Variants in WIPF1 observed in about 807,000 individuals in gnomAD.
The protein encoded by WIPF1 is WAS/WASL-interacting protein family member 1.
WIPF1 carries 13 observed loss-of-function variants against 35.4 expected under a neutral mutation model. The observed-to-expected ratio is 0.37, with a 90% CI of 0.24 to 0.58. The LOEUF (loss-of-function observed/expected upper bound fraction) is 0.58, where lower values mean the gene tolerates loss of function less well. WIPF1 is among the 20% of genes least tolerant of loss of function. The pLI is 0.74. For missense variants in WIPF1, 591 were observed against 667.0 expected, an observed-to-expected ratio of 0.89 and a Z score of 1.25; for synonymous variants, 267 against 266.3, an observed-to-expected ratio of 1.00 and a Z score of -0.02.
intron 1 of WIPF1, among the ~76,000 whole-genome samples, chr2:174,589,718 T>G (rs1263569466): frequency 6.7e-6 from 1 of 148,734 alleles, no homozygotes; most frequent in East Asian, 2.0e-4. Flanking sequence ...AACCATAATA[T>G]CTGATATTCT....
At chr2:174,575,122 G>C (rs1685003518) in intron 4 of WIPF1, 82 bp downstream of exon 4, 1 of 1,431,834 alleles carries the variant, frequency 7.0e-7, no homozygotes, top group South Asian at 1.3e-5. Flanking sequence ...AGGGCGAAGA[G>C]CCTTAGAGGC....
intron 2 of WIPF1, among the ~76,000 whole-genome samples, chr2:174,582,468 A>G (rs946367376): frequency 1.3e-5 from 2 of 152,242 alleles, no homozygotes; most frequent in Admixed American, 6.5e-5. Context: ...TGACAGGGAT[A>G]TGATTTCAGA....
chr2:174,562,821 A>T (rs1376366228), intron 7 of WIPF1, among the ~76,000 whole-genome samples: 1 of 152,206 alleles, frequency 6.6e-6, no homozygotes, highest in Non-Finnish European at 1.5e-5. Context: ...GCTCCCAAGT[A>T]CTTGCACAAA....
intron 1 of WIPF1, among the ~76,000 whole-genome samples, chr2:174,627,425 CT>C: frequency 6.9e-6 from 1 of 145,288 alleles, no homozygotes. Flanking sequence ...TTCTTTCCTT[CT>C]TTCTTTCCTT....
chr2:174,569,913 G>A lies in WIPF1; in HGVS notation c.1129+1763C>T, dbSNP rs578156317. Among the ~76,000 whole-genome samples, 98 of 152,318 alleles carry A rather than the reference G, an allele frequency of 6.4e-4. 2 individuals are homozygous for A. Among genetic ancestry groups the A allele is most frequent in the African/African-American group, 2.2e-3 (93 of 41,566 alleles). ...CAGGGCCTTTGATGAACTCTCATAC[G>A]CTCCTTGTGGGAATGTAAATTGGTA... On this transcript the variant is annotated intron_variant, in intron 5 of 7. Transcript: ENST00000679041.
In WIPF1 at chr2:174,622,655, T is replaced by C. The variant is rs1188499270; in HGVS notation, c.-38-37044A>G. Among the ~76,000 whole-genome samples, 2 of 152,260 alleles carry C rather than the reference T, an allele frequency of 1.3e-5. No individual in the cohort carries two copies. The highest frequency in any genetic ancestry group is 2.9e-5 in the Non-Finnish European group (2 of 68,050). ...GCTGATGGTCACTGCTACCCACTGGTTGTCTTTCAGGCTTGCATTTATTCT... is the reference window on the plus strand; with the variant it reads ...GCTGATGGTCACTGCTACCCACTGGCTGTCTTTCAGGCTTGCATTTATTCT... On this transcript the variant is annotated intron_variant, in intron 1 of 8. Transcript: ENST00000272746. The surrounding 1 kb of genome is among the most constrained non-coding windows in gnomAD (Gnocchi z 5.1).
intron 1 of WIPF1, among the ~76,000 whole-genome samples, chr2:174,637,981 T>C (rs1687221418): frequency 6.6e-6 from 1 of 152,240 alleles, no homozygotes; most frequent in Non-Finnish European, 1.5e-5. Flanking sequence ...ATGTTATACC[T>C]TATAGTTGAT....
intron 1 of WIPF1, among the ~76,000 whole-genome samples, chr2:174,617,351 C>T (rs1686537914): frequency 6.6e-6 from 1 of 152,166 alleles, no homozygotes; most frequent in South Asian, 2.1e-4. Context: ...TTCAATGTTT[C>T]CAGTGCTACT....
chr2:174,667,944 T>G (rs1240541908), intron 1 of WIPF1, among the ~76,000 whole-genome samples: 2 of 152,168 alleles, frequency 1.3e-5, no homozygotes, highest in Admixed American at 1.3e-4. Context: ...GGTATCTGCT[T>G]TTTTGCCTGG....
upstream of WIPF1, among the ~76,000 whole-genome samples, chr2:174,601,687 T>C (rs1056122336): frequency 2.0e-5 from 3 of 152,234 alleles, no homozygotes; most frequent in Non-Finnish European, 4.4e-5. Context: ...AGTTCTCAGC[T>C]CAGTGTCAGC....
chr2:174,652,615 C>A (rs1687555628), intron 1 of WIPF1, among the ~76,000 whole-genome samples: 1 of 151,910 alleles, frequency 6.6e-6, no homozygotes, highest in Non-Finnish European at 1.5e-5. Context: ...GAGCTAGGAA[C>A]CTTAGGGGGA....
At position 174,571,682 on chromosome 2, in the gene WIPF1, G is replaced by A. The variant is rs1684846516; in HGVS notation, c.1123C>T (p.Arg375Ter). The change falls in exon 5 of 8, where the codon CGA becomes TGA. Residue 375 changes from arginine to a stop codon, truncating the protein, a stop_gained. Coordinates refer to ENST00000679041, the MANE Select transcript of WIPF1 (RefSeq NM_001375834.1). LOFTEE classifies it high-confidence loss of function. This position sits in a 1 kb window ranked among gnomAD's most constrained non-coding sequence, Gnocchi z 4.6. ...ACTCCACGTCTTGTCATACCTGATC[G>A]GCCTGGCGGGTCCCTCACTGGAGGT... ...PPPPVRDPPGRSGPLPPPPPV... is the reference protein window; with the variant it reads ...PPPPVRDPPG 1 of 1,614,054 alleles carries A rather than the reference G, an allele frequency of 6.2e-7. No individual in the cohort carries two copies. The highest frequency in any genetic ancestry group is 8.5e-7 in the Non-Finnish European group (1 of 1,180,042).
chr2:174,598,411 G>A (rs961997534), upstream of WIPF1, among the ~76,000 whole-genome samples: 3 of 151,940 alleles, frequency 2.0e-5, no homozygotes, highest in Non-Finnish European at 2.9e-5. Context: ...TCCTGGGTTC[G>A]AGCAATCCTC....
In WIPF1 at chr2:174,578,483, T is replaced by C. The variant is rs112406910; in HGVS notation, c.181+2827A>G. On this transcript the variant is annotated intron_variant, in intron 3 of 7. Transcript: ENST00000679041. ...AAGTAATTTAATAAAGTTTTTATCT[T>C]TTCCCTTGCTCATTGAGGTTTCCTG... is the stretch of plus-strand genomic sequence containing the variant. Among the ~76,000 whole-genome samples, 956 of 152,346 alleles carry C rather than the reference T, an allele frequency of 6.3e-3. 13 individuals are homozygous for C. The highest frequency in any genetic ancestry group is 0.022 in the African/African-American group (922 of 41,588).
rs1684496143 is a variant in WIPF1 at position 174,561,978 on chromosome 2, A to G, written c.*569T>C. 2 of 1,336,510 alleles carry G rather than the reference A, an allele frequency of 1.5e-6. No individual in the cohort carries two copies. Among genetic ancestry groups the G allele is most frequent in the Admixed American group, 2.3e-5 (1 of 43,260 alleles). The allele number at this position is 1,336,510 out of a possible 1,614,324, so 82.8% of individuals were successfully genotyped here. On this transcript the variant is annotated 3_prime_UTR_variant, in exon 8 of 8. Coordinates refer to ENST00000679041, the MANE Select transcript of WIPF1 (RefSeq NM_001375834.1). ...TATTAACTTCACTTGTTTAAAATAT[A>G]TTAGAAATGTAAAAATTGTATATGG...
chr2:174,661,049 A>G (rs1687748103), intron 1 of WIPF1, among the ~76,000 whole-genome samples: 1 of 152,234 alleles, frequency 6.6e-6, no homozygotes, highest in Non-Finnish European at 1.5e-5. Context: ...ATTGCACTGC[A>G]GTCCGGCTCA....
At chr2:174,623,669 A>G (rs1438005205) in intron 1 of WIPF1, among the ~76,000 whole-genome samples, 1 of 152,222 alleles carries the variant, frequency 6.6e-6, no homozygotes, top group Non-Finnish European at 1.5e-5. Flanking sequence ...TGTAGCCAAC[A>G]AACTGCAGTA....
chr2:174,669,840 C>T (rs184870767), intron 1 of WIPF1, among the ~76,000 whole-genome samples: 2 of 152,318 alleles, frequency 1.3e-5, no homozygotes, highest in Admixed American at 6.5e-5. Flanking sequence ...TGTGCCACTG[C>T]ACTCCAGCCT....
intron 1 of WIPF1, among the ~76,000 whole-genome samples, chr2:174,678,540 T>C (rs553501271): frequency 4.6e-5 from 7 of 152,342 alleles, no homozygotes; most frequent in African/African-American, 1.4e-4. Flanking sequence ...CCCCATGGCG[T>C]GGGTGCTGTA....
Sources: gnomAD v4.1 joint callset for allele counts (sites outside exome capture counted in the v4.1 genomes callset) on GRCh38, gnomAD v4.1.1 for gene constraint, Gnocchi (gnomAD v3.1) non-coding constraint, MANE v1.5 for transcripts, NCBI Gene and HGNC (gene_info 2026-07-23, HGNC 2026-07-21) for gene names.